Variants in FMNL3 observed in about 807,000 individuals in gnomAD.
FMNL3 encodes formin-like protein 3.
FMNL3 carries 57 observed loss-of-function variants against 119.6 expected under a neutral mutation model. That is an observed-to-expected ratio of 0.48 (90% CI 0.39 to 0.59). The LOEUF is 0.59. Ranked by LOEUF, FMNL3 falls within the 20% of genes least tolerant of loss-of-function variation. The probability of loss-of-function intolerance (pLI) is 0.00; values close to 1 mark genes in which losing one functional copy is unlikely to be tolerated. For missense variants in FMNL3, 1,053 were observed against 1,323.5 expected (o/e 0.80, Z 3.17); for synonymous variants, 491 against 507.3 (o/e 0.97, Z 0.43).
chr12:49,686,676 C>T (rs565211933), intron 1 of FMNL3, among the ~76,000 whole-genome samples: 1 of 152,136 alleles, frequency 6.6e-6, no homozygotes, highest in Non-Finnish European at 1.5e-5. Flanking sequence ...CATCCCTACA[C>T]TCCTTGCAGC....
At chr12:49,659,699 C>T (rs2138807009) in intron 5 of FMNL3, 1 of 900,644 alleles carries the variant, frequency 1.1e-6, no homozygotes, top group African/African-American at 1.8e-5. Context: ...CATGTGTGAG[C>T]CACTGCACCC....
intron 5 of FMNL3, among the ~76,000 whole-genome samples, chr12:49,660,655 T>C (rs929018785): frequency 2.0e-5 from 3 of 152,094 alleles, no homozygotes; most frequent in Non-Finnish European, 4.4e-5. Context: ...GCAAGGACAG[T>C]AGTTAGAAAA....
At position 49,649,585 on chromosome 12, in the gene FMNL3, TA is replaced by T; in HGVS notation, c.2236-48del. The T allele has an allele frequency of 6.2e-7, 1 of 1,612,666 alleles. No individual in the cohort carries two copies. On this transcript the variant is annotated intron_variant, in intron 18 of 25. Coordinates refer to ENST00000335154, the MANE Select transcript of FMNL3 (RefSeq NM_175736.5). The surrounding 1 kb of genome is among the most constrained non-coding windows in gnomAD (Gnocchi z 5.6). The stretch of plus-strand genomic sequence containing the variant: ...GAAGTAACCCCAGGCTGAGATGGGG[TA>T]AAGACAGGGAGGGGTCAGAAGGACT...
In FMNL3 at chr12:49,649,300, G is replaced by T; in HGVS notation, c.2344C>A (p.Arg782=). 1 of 1,614,162 alleles carries T rather than the reference G, an allele frequency of 6.2e-7. No individual in the cohort carries two copies. Among genetic ancestry groups the T allele is most frequent in the Non-Finnish European group, 8.5e-7 (1 of 1,180,032 alleles). Residue 782 remains arginine, a synonymous_variant, in exon 20 of 26, where the codon CGG becomes AGG. Transcript: ENST00000335154. The surrounding 1 kb of genome is among the most constrained non-coding windows in gnomAD (Gnocchi z 5.6). ...ALGNYMNSSK[R]GAVYGFKLQS... ...AGCTTGAAGCCATACACAGCTCCCC[G>T]CTTGCTGCTGTTCATGTAGTTCCCC... is the stretch of plus-strand genomic sequence containing the variant.
At position 49,637,975 on chromosome 12, in the gene FMNL3, G is replaced by A; in HGVS notation, c.*7840C>T. On this transcript the variant is annotated 3_prime_UTR_variant, in exon 26 of 26. Coordinates refer to ENST00000335154, the MANE Select transcript of FMNL3 (RefSeq NM_175736.5). ...TCCTTTACTGCACACTAGGGATACAGTAATGAATACACAATTTCTACCACA... is the reference window on the plus strand; with the variant it reads ...TCCTTTACTGCACACTAGGGATACAATAATGAATACACAATTTCTACCACA... 1.6e-6 allele frequency: 1 copy of A among 625,588 alleles called. No homozygotes were observed. Among genetic ancestry groups the A allele is most frequent in the Non-Finnish European group, 2.8e-6 (1 of 352,854 alleles). 38.8% of individuals were successfully genotyped at this position (625,588 alleles called of 1,614,324 possible). A position where few individuals can be genotyped will look rare whatever the true frequency, so the allele number is the denominator to read the frequency against.
rs1393409372 is a variant in FMNL3 at position 49,649,415 on chromosome 12, G to GC, written c.2304+54dup. 1 of 1,613,040 alleles carries GC rather than the reference G, an allele frequency of 6.2e-7. No individual in the cohort carries two copies. The highest frequency in any genetic ancestry group is 1.3e-5 in the African/African-American group (1 of 74,858). On this transcript the variant is annotated intron_variant, in intron 19 of 25. Coordinates refer to ENST00000335154, the MANE Select transcript of FMNL3 (RefSeq NM_175736.5). The surrounding 1 kb of genome is among the most constrained non-coding windows in gnomAD (Gnocchi z 5.6). ...CTTCTTCCTCTCTGTATAGCCCCAG[G>GC]CCCCCACCTAGGACCTGAAAACCCC...
chr12:49,674,555 T>C (rs1315131532), intron 1 of FMNL3, among the ~76,000 whole-genome samples: 9 of 152,260 alleles, frequency 5.9e-5, no homozygotes, highest in Non-Finnish European at 1.0e-4. Context: ...CAAGTCTAGC[T>C]ACACAGCTTT....
At position 49,697,030 on chromosome 12, in the gene FMNL3, G is replaced by C. The variant is rs1944768821; in HGVS notation, c.126+10025C>G. On this transcript the variant is annotated intron_variant, in intron 1 of 25. Transcript: ENST00000335154. ...ACATGTGTTCATACATAGATGGGAGGGGGAGAGGGGAAATAGGGACCACAG... is the reference window on the plus strand; with the variant it reads ...ACATGTGTTCATACATAGATGGGAGCGGGAGAGGGGAAATAGGGACCACAG... 3.9e-5 allele frequency among the ~76,000 whole-genome samples: 6 copies of C among 152,196 alleles called. No individual in the cohort carries two copies. The South Asian group carries it at 1.2e-3, about 31-fold the overall frequency.
chr12:49,680,149 C>T (rs551702244), intron 1 of FMNL3, among the ~76,000 whole-genome samples: 2 of 152,212 alleles, frequency 1.3e-5, no homozygotes, highest in South Asian at 4.1e-4. Flanking sequence ...CCCAAAGAGA[C>T]AGCAGAGGCC....
chr12:49,644,435 T>A lies in FMNL3; in HGVS notation c.*1380A>T. On this transcript the variant is annotated 3_prime_UTR_variant, in exon 26 of 26. Coordinates refer to ENST00000335154, the MANE Select transcript of FMNL3 (RefSeq NM_175736.5). ...GACCAGAGATGGGTGGTATATGCCA[T>A]GTGGGGTGGGTGATGCCAGTAGATA... 1.9e-6 allele frequency: 1 copy of A among 529,528 alleles called. No individual in the cohort carries two copies. Among genetic ancestry groups the A allele is most frequent in the Non-Finnish European group, 3.4e-6 (1 of 290,424 alleles). The allele number at this position is 529,528 out of a possible 1,614,324, so 32.8% of individuals were successfully genotyped here.
chr12:49,654,818 T>A, intron 10 of FMNL3, 92 bp downstream of exon 10: 2 of 1,196,726 alleles, frequency 1.7e-6, no homozygotes. Context: ...CTACGTGGAA[T>A]ATCAAGATAC....
At chr12:49,646,793 G>C in intron 25 of FMNL3, 93 bp downstream of exon 25, 5 of 1,606,148 alleles carry the variant, frequency 3.1e-6, no homozygotes, top group Non-Finnish European at 2.6e-6. Context: ...AGGCCTCATG[G>C]GGGGTGGGGT....
At position 49,636,808 on chromosome 12, in the gene FMNL3, C is replaced by T. The variant is rs368904714; in HGVS notation, c.*9007G>A. On this transcript the variant is annotated 3_prime_UTR_variant, in exon 26 of 26. Transcript: ENST00000335154. ...GGAGGAACGGGAGCGGGCCCGGCTT[C>T]GGGAGCGACGCCAACAACGCAAGAA... The T allele has an allele frequency of 7.1e-5, 114 of 1,614,060 alleles. No homozygotes were observed. Among genetic ancestry groups the T allele is most frequent in the Middle Eastern group, 1.6e-4 (1 of 6,074 alleles).
Position 49,666,227 on chromosome 12 carries a change from A to G in FMNL3, c.211-20T>C. ...TCGTTCCTGTAAGGGAAACATGCAT[A>G]TGCGTATCCACAAAGACAACCAGAG... On this transcript the variant is annotated intron_variant, in intron 2 of 25. Transcript: ENST00000335154. 1 of 1,604,620 alleles carries G rather than the reference A, an allele frequency of 6.2e-7. No individual in the cohort carries two copies. The highest frequency in any genetic ancestry group is 1.7e-4 in the Middle Eastern group (1 of 6,012).
intron 1 of FMNL3, chr12:49,688,364 T>C (rs1227442530): frequency 6.6e-6 from 3 of 455,712 alleles, no homozygotes; most frequent in Admixed American, 2.4e-5. Flanking sequence ...TTATAAAGCA[T>C]ACCTAGAAGT....
Position 49,653,324 on chromosome 12 carries a change from T to A in FMNL3, c.1225A>T (p.Thr409Ser). Residue 409 changes from threonine (T) to serine (S), a missense_variant, in exon 13 of 26, where the codon ACA becomes TCA. Around this residue, in one of 4 missense-constraint regions of FMNL3, gnomAD observed 445 missense variants for 628.4 expected, o/e 0.71. Transcript: ENST00000335154. The stretch of plus-strand genomic sequence containing the variant: ...TTCTCTAGGTCCAGAAGCTTCTCTG[T>A]GAGCTGCACAACAGGAAGGGCAGGT... The part of the protein sequence containing the change: ...EELEEHVSHL[T>S]EKLLDLENEN... 6.2e-7 allele frequency: 1 copy of A among 1,613,972 alleles called. No homozygotes were observed. The highest frequency in any genetic ancestry group is 8.5e-7 in the Non-Finnish European group (1 of 1,180,024).
rs1352261860 is a variant in FMNL3, at chr12:49,645,437, C to T, written c.*378G>A. ...CATCTAGACCAGAGCTGACCATGGG[C>T]CTGCAAAAAGGAAGGGAAAAAAAAA... On this transcript the variant is annotated 3_prime_UTR_variant, in exon 26 of 26. Transcript: ENST00000335154. 1 of 188,766 alleles carries T rather than the reference C, an allele frequency of 5.3e-6. No individual in the cohort carries two copies. Among genetic ancestry groups the T allele is most frequent in the East Asian group, 1.6e-4 (1 of 6,166 alleles). 11.7% of individuals were successfully genotyped at this position (188,766 alleles called of 1,614,324 possible).
chr12:49,678,911 A>G lies in FMNL3; in HGVS notation c.127-10357T>C, dbSNP rs1944264117. ...AAATCCAGGAGTCTGTAAGTGATTTACTACAAAGGCATGAAAGTATGTATA... is the reference window on the plus strand; with the variant it reads ...AAATCCAGGAGTCTGTAAGTGATTTGCTACAAAGGCATGAAAGTATGTATA... On this transcript the variant is annotated intron_variant, in intron 1 of 25. Coordinates refer to ENST00000335154, the MANE Select transcript of FMNL3 (RefSeq NM_175736.5). 2.0e-5 allele frequency among the ~76,000 whole-genome samples: 3 copies of G among 152,230 alleles called. No homozygotes were observed. The South Asian group carries it at 6.2e-4, about 31-fold the overall frequency.
chr12:49,646,985 G>C lies in FMNL3; in HGVS notation c.2896C>G (p.Gln966Glu). 6.2e-7 allele frequency: 1 copy of C among 1,613,916 alleles called. No individual in the cohort carries two copies. The highest frequency in any genetic ancestry group is 1.1e-5 in the South Asian group (1 of 91,074). Reference sequence around the variant, plus strand: ...AACTCTGCTATTAACTCCTGCTGTTGCCACTTGTTCCGCTGGGATGGGGTC... The same window carrying C: ...AACTCTGCTATTAACTCCTGCTGTTCCCACTTGTTCCGCTGGGATGGGGTC... ...AKTPSQRNKWQQQELIAELRR... is the reference protein window; with the variant it reads ...AKTPSQRNKWEQQELIAELRR... The change falls in exon 25 of 26, where the codon CAA becomes GAA. Residue 966 changes from glutamine (Q) to glutamate (E), a missense_variant. Gln to Glu is a conservative substitution (Grantham distance 29, BLOSUM62 2). Around this residue, in one of 4 missense-constraint regions of FMNL3, gnomAD observed 324 missense variants for 380.9 expected, o/e 0.85. Coordinates refer to ENST00000335154, the MANE Select transcript of FMNL3 (RefSeq NM_175736.5).
Sources: allele counts gnomAD v4.1 joint callset (sites outside exome capture counted in the v4.1 genomes callset), GRCh38; gene constraint gnomAD v4.1.1; regional missense constraint gnomAD v4.1.1; non-coding constraint Gnocchi (gnomAD v3.1); transcripts MANE v1.5; gene names NCBI Gene and HGNC (gene_info 2026-07-23, HGNC 2026-07-21).